CCDC81: variants seen among roughly 807,000 people sequenced by gnomAD.
The protein encoded by CCDC81 is coiled-coil domain containing 81.
In CCDC81, 79 loss-of-function variants were observed where a neutral mutation model predicts 83.7. The ratio of observed to expected loss-of-function variants is 0.94; its 90% CI spans 0.79 to 1.14. The LOEUF is 1.14. CCDC81 is among the 50% of genes most tolerant of loss of function. The pLI, the probability that CCDC81 is intolerant of heterozygous loss-of-function variation, is 0.00. For missense variants in CCDC81, 791 were observed against 778.1 expected (o/e 1.02, Z -0.20); for synonymous variants, 252 against 278.1 (o/e 0.91, Z 0.93).
intron 2 of CCDC81, 38 bp downstream of exon 2, chr11:86,386,150 A>T: frequency 1.3e-6 from 1 of 792,974 alleles, no homozygotes; most frequent in Non-Finnish European, 1.7e-6. Flanking sequence ...TAATAAATTA[A>T]TTTATTAATT....
chr11:86,403,640 G>A (rs955373405), intron 7 of CCDC81, among the ~76,000 whole-genome samples: 6 of 152,206 alleles, frequency 3.9e-5, no homozygotes, highest in Admixed American at 1.3e-4. Context: ...TAAGGCCTCA[G>A]AGGGCCTTAA....
intron 14 of CCDC81, among the ~76,000 whole-genome samples, chr11:86,421,510 C>T (rs887292639): frequency 2.0e-5 from 3 of 152,176 alleles, no homozygotes; most frequent in Non-Finnish European, 2.9e-5. Context: ...CAGGGTTTCA[C>T]CGTGTTAGCC....
At chr11:86,396,354 AG>A (rs1243029086) in intron 5 of CCDC81, among the ~76,000 whole-genome samples, 4 of 152,182 alleles carry the variant, frequency 2.6e-5, no homozygotes, top group Non-Finnish European at 5.9e-5. Context: ...AGGAGACTTT[AG>A]TTTTATTTCC....
chr11:86,413,712 T>C (rs930109958), intron 11 of CCDC81, among the ~76,000 whole-genome samples: 5 of 152,194 alleles, frequency 3.3e-5, no homozygotes, highest in Non-Finnish European at 1.5e-5. Flanking sequence ...TCTTAGCTAT[T>C]AGATGTTCAA....
At chr11:86,379,786 G>T (rs1948151858) in intron 1 of CCDC81, among the ~76,000 whole-genome samples, 1 of 152,094 alleles carries the variant, frequency 6.6e-6, no homozygotes, top group Non-Finnish European at 1.5e-5. Flanking sequence ...GGATCAGCAT[G>T]GGCAATATAG....
chr11:86,403,019 T>TC, intron 7 of CCDC81, among the ~76,000 whole-genome samples: 1 of 123,300 alleles, frequency 8.1e-6, no homozygotes, highest in Non-Finnish European at 1.6e-5. Flanking sequence ...TTTGATTTTT[T>TC]TTTTTTTTTT....
At chr11:86,386,187 C>A in intron 2 of CCDC81, 75 bp downstream of exon 2, 1 of 465,010 alleles carries the variant, frequency 2.2e-6, no homozygotes, top group Non-Finnish European at 3.3e-6. Flanking sequence ...AAGGATCCTT[C>A]CTTCATAGTC....
chr11:86,416,324 GT>G (rs1262897311), intron 13 of CCDC81, among the ~76,000 whole-genome samples: 1 of 152,172 alleles, frequency 6.6e-6, no homozygotes, highest in East Asian at 1.9e-4. Flanking sequence ...TTTAGCTTCT[GT>G]TTTATAACAG....
rs371762680 is a variant in CCDC81, at chr11:86,420,072, C to T, written c.1817+19C>T. On this transcript the variant is annotated intron_variant, in intron 14 of 14. Transcript: ENST00000445632. ...TTGAACGGTAATGCCTGATTGGAAC[C>T]CCAAAATTCTCCTGCTCCTTGTGGG... is the stretch of plus-strand genomic sequence containing the variant. 200 of 1,605,648 alleles carry T rather than the reference C, an allele frequency of 1.2e-4. 1 individual carries two copies. In the African/African-American group the frequency reaches 2.4e-3, roughly 20 times the overall value.
chr11:86,420,676 T>G (rs1406937176), intron 14 of CCDC81, among the ~76,000 whole-genome samples: 1 of 152,220 alleles, frequency 6.6e-6, no homozygotes, highest in African/African-American at 2.4e-5. Context: ...AAATAATAGT[T>G]TAAATTGCCA....
chr11:86,386,733 T>G (rs934975458), intron 2 of CCDC81, among the ~76,000 whole-genome samples: 1 of 152,246 alleles, frequency 6.6e-6, no homozygotes, highest in African/African-American at 2.4e-5. Context: ...AATTTGAATT[T>G]GTTATCAGCA....
intron 1 of CCDC81, 47 bp downstream of exon 1, chr11:86,375,289 A>G: frequency 6.6e-7 from 1 of 1,525,184 alleles, no homozygotes; most frequent in Non-Finnish European, 9.0e-7. Context: ...TTGAATCTTC[A>G]TCTGCTTGCA....
chr11:86,381,858 A>G (rs868346100), intron 1 of CCDC81, among the ~76,000 whole-genome samples: 7 of 152,258 alleles, frequency 4.6e-5, no homozygotes, highest in Middle Eastern at 3.4e-3. Context: ...GGATAATTTG[A>G]GCTGAGTTGT....
chr11:86,408,626 T>C lies in CCDC81; in HGVS notation c.1113+356T>C, dbSNP rs531264509. Among the ~76,000 whole-genome samples, 72 of 152,282 alleles carry C rather than the reference T, an allele frequency of 4.7e-4. 1 individual carries two copies. Among genetic ancestry groups the C allele is most frequent in the Middle Eastern group, 3.4e-3 (1 of 294 alleles). On this transcript the variant is annotated intron_variant, in intron 9 of 14. Coordinates refer to ENST00000445632, the MANE Select transcript of CCDC81 (RefSeq NM_001156474.2). Reference sequence around the variant, plus strand: ...TCCCAAAGTGCTGGGATTACAGGCATTACCCACTGAGCCCAGCCTATAATG... The same window carrying C: ...TCCCAAAGTGCTGGGATTACAGGCACTACCCACTGAGCCCAGCCTATAATG...
intron 1 of CCDC81, 77 bp from the exon 2 acceptor site, chr11:86,385,974 T>C: frequency 1.4e-6 from 1 of 694,690 alleles, no homozygotes; most frequent in Non-Finnish European, 2.5e-6. Context: ...ATTTACATTT[T>C]TATTTATTAG....
intron 1 of CCDC81, among the ~76,000 whole-genome samples, chr11:86,382,218 C>T (rs938648393): frequency 1.3e-5 from 2 of 152,134 alleles, no homozygotes; most frequent in Non-Finnish European, 2.9e-5. Flanking sequence ...GAAAAGATTA[C>T]TCTGGTTGCC....
At position 86,386,121 on chromosome 11, in the gene CCDC81, TATTA is replaced by T; in HGVS notation, c.141+13_141+16del. ...AGTTAACCCTGCACAAGGTAAGATT[TATTA>T]ATTTATTAATTTATTAATAAATTAA... On this transcript the variant is annotated intron_variant, in intron 2 of 14. Coordinates refer to ENST00000445632, the MANE Select transcript of CCDC81 (RefSeq NM_001156474.2). The T allele has an allele frequency of 1.1e-6, 1 of 876,550 alleles. No individual in the cohort carries two copies. Among genetic ancestry groups the T allele is most frequent in the African/African-American group, 1.8e-5 (1 of 55,980 alleles). 54.3% of individuals were successfully genotyped at this position (876,550 alleles called of 1,614,324 possible).
chr11:86,396,140 G>A (rs1221288673), intron 5 of CCDC81, among the ~76,000 whole-genome samples: 1 of 152,196 alleles, frequency 6.6e-6, no homozygotes, highest in Non-Finnish European at 1.5e-5. Context: ...AAACAGATAA[G>A]TTAGAATAAG....
intron 14 of CCDC81, among the ~76,000 whole-genome samples, chr11:86,421,909 TC>T (rs1344350811): frequency 2.7e-5 from 3 of 112,926 alleles, no homozygotes; most frequent in East Asian, 2.2e-4. Flanking sequence ...AGACCTAGTC[TC>T]AAAAAAAAAA....
Sources: gnomAD v4.1 joint callset for allele counts (sites outside exome capture counted in the v4.1 genomes callset) on GRCh38, gnomAD v4.1.1 for gene constraint, MANE v1.5 for transcripts, NCBI Gene and HGNC (gene_info 2026-07-23, HGNC 2026-07-21) for gene names.